Variants in SPECC1 observed in about 807,000 individuals in gnomAD.
SPECC1 encodes cytospin-B.
In SPECC1, 62 loss-of-function variants were observed where a neutral mutation model predicts 104.1. The ratio of observed to expected loss-of-function variants is 0.60; its 90% CI spans 0.49 to 0.74. The LOEUF (loss-of-function observed/expected upper bound fraction) is 0.74, where lower values mean the gene tolerates loss of function less well. SPECC1 is among the 30% of genes least tolerant of loss of function. The pLI is 0.00. For missense variants in SPECC1, 1,306 were observed against 1,310.5 expected, an observed-to-expected ratio of 1.00 and a Z score of 0.05; for synonymous variants, 513 against 501.6, an observed-to-expected ratio of 1.02 and a Z score of -0.30.
chr17:20,148,099 G>T (rs189822127), intron 3 of SPECC1, among the ~76,000 whole-genome samples: 1 of 152,170 alleles, frequency 6.6e-6, no homozygotes, highest in Non-Finnish European at 1.5e-5. Flanking sequence ...ACTGTCTTCT[G>T]GTCCTACCTT....
intron 1 of SPECC1, among the ~76,000 whole-genome samples, chr17:20,021,702 A>ATATATATATATTTT: frequency 7.2e-6 from 1 of 139,276 alleles, no homozygotes; most frequent in East Asian, 2.1e-4. Context: ...ATATATATAT[A>ATATATATATATTTT]TTTTTTTGTA....
chr17:20,291,555 T>C (rs953155370), intron 12 of SPECC1, among the ~76,000 whole-genome samples: 3 of 152,154 alleles, frequency 2.0e-5, no homozygotes, highest in Admixed American at 6.5e-5. Flanking sequence ...GCCCACCATT[T>C]TTTTTTTAAA....
chr17:20,184,106 G>C (rs550335311), intron 3 of SPECC1, among the ~76,000 whole-genome samples: 1 of 150,100 alleles, frequency 6.7e-6, no homozygotes, highest in African/African-American at 2.4e-5. Context: ...GCTTGAACCC[G>C]GGAAATGGAG....
chr17:20,020,974 A>ACC (rs1219427323), intron 1 of SPECC1, among the ~76,000 whole-genome samples: 1 of 152,244 alleles, frequency 6.6e-6, no homozygotes, highest in Admixed American at 6.5e-5. Flanking sequence ...TGGAAGCCTT[A>ACC]CCCATAATAT....
rs573647914 is a variant in SPECC1, at chr17:20,257,281, G to C, written c.2681-170G>C. Among the ~76,000 whole-genome samples, 3 of 152,278 alleles carry C rather than the reference G, an allele frequency of 2.0e-5. No individual in the cohort carries two copies. The East Asian group carries it at 5.8e-4, about 29-fold the overall frequency. Reference sequence around the variant, plus strand: ...TGCTAGATGCTGTAAATGATGTAGTGGTCCTGCCTGTAGAATCCACATCCC... The same window carrying C: ...TGCTAGATGCTGTAAATGATGTAGTCGTCCTGCCTGTAGAATCCACATCCC... On this transcript the variant is annotated intron_variant, in intron 10 of 14. Coordinates refer to ENST00000395527, the MANE Select transcript of SPECC1 (RefSeq NM_001243439.2).
intron 10 of SPECC1, among the ~76,000 whole-genome samples, chr17:20,256,615 C>T (rs1044112877): frequency 6.6e-6 from 1 of 152,164 alleles, no homozygotes; most frequent in Non-Finnish European, 1.5e-5. Context: ...TGCTCTGTAG[C>T]TTAGAACAAG....
intron 1 of SPECC1, among the ~76,000 whole-genome samples, chr17:20,017,766 A>G (rs915253389): frequency 6.6e-6 from 1 of 152,178 alleles, no homozygotes; most frequent in Admixed American, 6.5e-5. Context: ...TTGGTATATC[A>G]CAAAGATCGT....
chr17:20,092,518 T>G (rs976208402), intron 1 of SPECC1, among the ~76,000 whole-genome samples: 1 of 152,220 alleles, frequency 6.6e-6, no homozygotes, highest in African/African-American at 2.4e-5. Flanking sequence ...CTTTCTCTCT[T>G]TCACATTTCC....
In SPECC1 at chr17:20,266,677, G is replaced by T. The variant is rs1016559168; in HGVS notation, c.2940+6383G>T. Among the ~76,000 whole-genome samples the T allele has an allele frequency of 8.5e-5, 13 of 152,312 alleles. No individual in the cohort carries two copies. The South Asian group carries it at 2.7e-3, about 32-fold the overall frequency. On this transcript the variant is annotated intron_variant, in intron 12 of 14. Transcript: ENST00000395527. ...TCTCATGGAACTTAAATCCTCATGG[G>T]GTCTGGCAGTTAACTGAAATAAAAG... is the stretch of plus-strand genomic sequence containing the variant.
chr17:20,223,926 C>T (rs1461286307), intron 4 of SPECC1, among the ~76,000 whole-genome samples: 1 of 152,028 alleles, frequency 6.6e-6, no homozygotes, highest in Non-Finnish European at 1.5e-5. Context: ...TGGAAGAGTC[C>T]GGTATTTATT....
chr17:20,096,674 G>A lies in SPECC1; in HGVS notation c.23G>A (p.Trp8Ter). The change falls in exon 2 of 15, where the codon TGG (tryptophan) becomes TAG (stop). Residue 8 changes from tryptophan to a stop codon, truncating the protein, a stop_gained. Transcript: ENST00000395527. LOFTEE classifies it high-confidence loss of function. Reference sequence around the variant, plus strand: ...AGCATGCGGAGTGCAGCCAAGCCCTGGAACCCAGCCATCAGAGCAGGGGGC... The same window carrying A: ...AGCATGCGGAGTGCAGCCAAGCCCTAGAACCCAGCCATCAGAGCAGGGGGC... Reference protein sequence around the residue: MRSAAKPWNPAIRAGGHG... With the variant: MRSAAKP 1 of 1,613,948 alleles carries A rather than the reference G, an allele frequency of 6.2e-7. No individual in the cohort carries two copies. The highest frequency in any genetic ancestry group is 8.5e-7 in the Non-Finnish European group (1 of 1,179,878).
At chr17:20,079,493 T>G (rs948748103) in intron 1 of SPECC1, among the ~76,000 whole-genome samples, 1 of 152,092 alleles carries the variant, frequency 6.6e-6, no homozygotes, top group Non-Finnish European at 1.5e-5. Flanking sequence ...TATAGAGGCT[T>G]ACTACAGGCT....
intron 1 of SPECC1, among the ~76,000 whole-genome samples, chr17:20,020,772 T>C (rs887439643): frequency 6.6e-5 from 10 of 152,334 alleles, no homozygotes; most frequent in Middle Eastern, 3.4e-3. Context: ...ATTTGTTCAT[T>C]CCGTTTTATC....
chr17:20,072,718 C>T (rs2046604884), intron 1 of SPECC1, among the ~76,000 whole-genome samples: 2 of 152,220 alleles, frequency 1.3e-5, no homozygotes, highest in South Asian at 4.1e-4. Context: ...ACCCATGCCA[C>T]CTGCTATATA....
At chr17:20,231,351 G>T (rs1344176090) in intron 5 of SPECC1, among the ~76,000 whole-genome samples, 1 of 152,202 alleles carries the variant, frequency 6.6e-6, no homozygotes, top group Non-Finnish European at 1.5e-5. Flanking sequence ...AAGCATTCAT[G>T]TGCTCTGTTA....
chr17:20,110,216 A>T (rs1211040925), intron 2 of SPECC1, among the ~76,000 whole-genome samples: 1 of 152,152 alleles, frequency 6.6e-6, no homozygotes. Flanking sequence ...TCTTTGAAAC[A>T]GTCATGGGAG....
At chr17:20,238,972 A>G in intron 7 of SPECC1, 1 of 1,038,624 alleles carries the variant, frequency 9.6e-7, no homozygotes, top group South Asian at 4.6e-5. Flanking sequence ...TTTTCTGAAT[A>G]CAGTTTCAGA....
chr17:20,239,872 C>A (rs944926012), intron 7 of SPECC1, among the ~76,000 whole-genome samples: 1 of 122,820 alleles, frequency 8.1e-6, no homozygotes, highest in African/African-American at 3.0e-5. Context: ...ATTTGCATTT[C>A]GCTGAGTTTT....
rs572647162 is a variant in SPECC1 at position 20,296,102 on chromosome 17, A to G, written c.2941-859A>G. Among the ~76,000 whole-genome samples the G allele has an allele frequency of 5.2e-4, 79 of 152,294 alleles. 1 individual carries two copies. Among genetic ancestry groups the G allele is most frequent in the East Asian group, 1.9e-3 (10 of 5,188 alleles). Reference sequence around the variant, plus strand: ...AGACATGAAGTCCTTGCCCATGCCTATGTCCTGAATGGTATTGCCTAGGTT... The same window carrying G: ...AGACATGAAGTCCTTGCCCATGCCTGTGTCCTGAATGGTATTGCCTAGGTT... On this transcript the variant is annotated intron_variant, in intron 12 of 14. Transcript: ENST00000395527.
Sources: allele counts gnomAD v4.1 joint callset (sites outside exome capture counted in the v4.1 genomes callset), GRCh38; gene constraint gnomAD v4.1.1; transcripts MANE v1.5; gene names NCBI Gene and HGNC (gene_info 2026-07-23, HGNC 2026-07-21).